Variants in NIBAN1 observed in about 807,000 individuals in gnomAD.
The protein encoded by NIBAN1 is niban apoptosis regulator 1, also known as protein Niban 1.
NIBAN1 carries 81 observed loss-of-function variants against 75.1 expected under a neutral mutation model. The ratio of observed to expected loss-of-function variants is 1.08; its 90% confidence interval spans 0.90 to 1.30. The LOEUF (loss-of-function observed/expected upper bound fraction) is 1.30, where lower values mean the gene tolerates loss of function less well. Ranked by LOEUF, NIBAN1 falls within the 50% of genes most tolerant of loss-of-function variation. The pLI is 0.00. For synonymous variants in NIBAN1, 436 were observed against 424.8 expected (o/e 1.03, Z -0.32); for missense variants, 1,133 against 1,128.1 (o/e 1.00, Z -0.06).
intron 4 of NIBAN1, among the ~76,000 whole-genome samples, chr1:184,887,203 T>G (rs1656549381): frequency 6.6e-6 from 1 of 152,110 alleles, no homozygotes; most frequent in African/African-American, 2.4e-5. Context: ...CCTGTTCCAG[T>G]GTCCTGGAAT....
rs796778324 is a variant in NIBAN1 at position 184,802,074 on chromosome 1, A to G, written c.1554+1511T>C. Reference sequence around the variant, plus strand: ...ACAGATCTAGGAAGCTGCTACTTATAGAACCAAGGGAAATGCACTTTAGCA... The same window carrying G: ...ACAGATCTAGGAAGCTGCTACTTATGGAACCAAGGGAAATGCACTTTAGCA... On this transcript the variant is annotated intron_variant, in intron 12 of 13. Transcript: ENST00000367511. 2.0e-5 allele frequency among the ~76,000 whole-genome samples: 3 copies of G among 152,236 alleles called. No homozygotes were observed. The South Asian group carries it at 6.2e-4, about 31-fold the overall frequency.
At chr1:184,892,042 GAA>G (rs1438455763) in intron 3 of NIBAN1, among the ~76,000 whole-genome samples, 1 of 152,174 alleles carries the variant, frequency 6.6e-6, no homozygotes, top group Non-Finnish European at 1.5e-5. Flanking sequence ...TGAAATAAGT[GAA>G]AAGAGGAAAA....
At chr1:184,944,141 C>T (rs749529425) in intron 1 of NIBAN1, among the ~76,000 whole-genome samples, 83 of 152,138 alleles carry the variant, frequency 5.5e-4, no homozygotes, top group Non-Finnish European at 1.1e-3. Flanking sequence ...CCCACTGCTG[C>T]CCTGGGAGGT....
chr1:184,884,765 C>A lies in NIBAN1; in HGVS notation c.469G>T (p.Val157Phe). 1 of 1,614,140 alleles carries A rather than the reference C, an allele frequency of 6.2e-7. No individual in the cohort carries two copies. Among genetic ancestry groups the A allele is most frequent in the South Asian group, 1.1e-5 (1 of 91,078 alleles). ...TACACTGGGAATTCCTTGGGCAGGA[C>A]CACAAAGGGCTGAGTGTTCTCCTTC... is the stretch of plus-strand genomic sequence containing the variant. ...SEKENTQPFV[V>F]LPKEFPVYLW... is the part of the protein sequence containing the mutation. Residue 157 changes from valine (V) to phenylalanine (F), a missense_variant, in exon 5 of 14, where the codon GTC becomes TTC. Val to Phe is a conservative substitution (Grantham distance 50). Coordinates refer to ENST00000367511, the MANE Select transcript of NIBAN1 (RefSeq NM_052966.4).
intron 5 of NIBAN1, among the ~76,000 whole-genome samples, chr1:184,842,967 G>A (rs577424493): frequency 1.3e-5 from 2 of 152,208 alleles, no homozygotes; most frequent in East Asian, 1.9e-4. Context: ...AATGCTTAGC[G>A]TCTTGATGAC....
At chr1:184,857,659 T>C (rs1655713748) in intron 5 of NIBAN1, among the ~76,000 whole-genome samples, 1 of 152,206 alleles carries the variant, frequency 6.6e-6, no homozygotes, top group Non-Finnish European at 1.5e-5. Flanking sequence ...AAATTAAAAT[T>C]GCATTAACAT....
At chr1:184,806,627 C>T (rs1313993445) in intron 10 of NIBAN1, among the ~76,000 whole-genome samples, 1 of 152,226 alleles carries the variant, frequency 6.6e-6, no homozygotes, top group East Asian at 1.9e-4. Flanking sequence ...TTTTGTTCCT[C>T]GTTCCTCTTT....
intron 9 of NIBAN1, among the ~76,000 whole-genome samples, chr1:184,815,530 C>T (rs1390060622): frequency 6.6e-6 from 1 of 152,184 alleles, no homozygotes; most frequent in Admixed American, 6.5e-5. Context: ...GATCATGGAT[C>T]AAGACTTCTG....
intron 5 of NIBAN1, among the ~76,000 whole-genome samples, chr1:184,857,006 G>A (rs1053530371): frequency 6.6e-6 from 1 of 152,110 alleles, no homozygotes; most frequent in Non-Finnish European, 1.5e-5. Flanking sequence ...AAGCACAGAG[G>A]AAAGCCACAG....
intron 1 of NIBAN1, among the ~76,000 whole-genome samples, chr1:184,955,302 T>C (rs1010492583): frequency 4.4e-4 from 23 of 52,344 alleles, no homozygotes; most frequent in African/African-American, 1.1e-3. Context: ...CAATCTTTTC[T>C]TTTCTTTTCC....
At chr1:184,841,955 G>C (rs181246939) in intron 5 of NIBAN1, among the ~76,000 whole-genome samples, 180 of 152,200 alleles carry the variant, frequency 1.2e-3, no homozygotes, top group Non-Finnish European at 2.0e-3. Context: ...ACTCCAAAAG[G>C]ATAGGGTGCT....
intron 5 of NIBAN1, among the ~76,000 whole-genome samples, chr1:184,864,209 T>G (rs940137714): frequency 1.3e-5 from 2 of 152,170 alleles, no homozygotes; most frequent in Admixed American, 1.3e-4. Flanking sequence ...ACAATAATGC[T>G]GTTTAACTAA....
chr1:184,918,493 C>T (rs1003268258), intron 1 of NIBAN1, among the ~76,000 whole-genome samples: 35 of 152,302 alleles, frequency 2.3e-4, no homozygotes, highest in Admixed American at 2.1e-3. Flanking sequence ...ATCCACAGAG[C>T]GTTGTATATG....
chr1:184,857,927 TA>T (rs913540852), intron 5 of NIBAN1, among the ~76,000 whole-genome samples: 173 of 147,556 alleles, frequency 1.2e-3, no homozygotes, highest in African/African-American at 3.5e-3. Flanking sequence ...ACTCAAATGT[TA>T]AAAAAAAAAT....
rs1372964335 is a variant in NIBAN1, at chr1:184,960,028, GC to G, written c.55+14273del. Among the ~76,000 whole-genome samples the G allele has an allele frequency of 4.0e-5, 6 of 151,482 alleles. No homozygotes were observed. In the East Asian group the frequency reaches 1.2e-3, roughly 29 times the overall value. ...TTGACCCTTTAATTTTTTTTATATT[GC>G]CTCTTCTATTTTCCATCTGTTAATC... On this transcript the variant is annotated intron_variant, in intron 1 of 13. Coordinates refer to ENST00000367511, the MANE Select transcript of NIBAN1 (RefSeq NM_052966.4).
intron 12 of NIBAN1, among the ~76,000 whole-genome samples, chr1:184,802,936 T>C (rs1654084622): frequency 6.6e-6 from 1 of 152,172 alleles, no homozygotes; most frequent in South Asian, 2.1e-4. Context: ...TCAGGTTTCC[T>C]CATTTGTACC....
intron 1 of NIBAN1, among the ~76,000 whole-genome samples, chr1:184,922,306 T>A (rs1657575750): frequency 6.6e-6 from 1 of 152,184 alleles, no homozygotes; most frequent in Non-Finnish European, 1.5e-5. Flanking sequence ...TTGACTGTAG[T>A]CTCCCTGTTA....
At chr1:184,947,916 T>C (rs1399071336) in intron 1 of NIBAN1, among the ~76,000 whole-genome samples, 1 of 152,232 alleles carries the variant, frequency 6.6e-6, no homozygotes, top group Non-Finnish European at 1.5e-5. Flanking sequence ...AAGTTATCTT[T>C]AATGACCTTT....
chr1:184,928,854 G>T (rs1458302987), intron 1 of NIBAN1, among the ~76,000 whole-genome samples: 2 of 152,038 alleles, frequency 1.3e-5, no homozygotes, highest in African/African-American at 2.4e-5. Context: ...GTACAATTTG[G>T]TGTTCCTGCA....
Sources: allele counts gnomAD v4.1 joint callset (sites outside exome capture counted in the v4.1 genomes callset), GRCh38; gene constraint gnomAD v4.1.1; transcripts MANE v1.5; gene names NCBI Gene and HGNC (gene_info 2026-07-23, HGNC 2026-07-21).